PRRC2B: variants seen among roughly 807,000 people sequenced by gnomAD.
PRRC2B encodes protein PRRC2B.
Under a neutral mutation model 242.3 loss-of-function variants are expected in PRRC2B, and 68 were observed. The ratio of observed to expected loss-of-function variants is 0.28; its 90% CI spans 0.23 to 0.34. PRRC2B has a LOEUF of 0.34. PRRC2B is among the 10% of genes least tolerant of loss of function. PRRC2B has a pLI of 1.00. For synonymous variants in PRRC2B, 1,228 were observed against 1,173.6 expected, an observed-to-expected ratio of 1.05 and a Z score of -0.95; for missense variants, 2,835 against 2,954.8, an observed-to-expected ratio of 0.96 and a Z score of 0.94.
chr9:131,419,942 C>T (rs892070437), intron 1 of PRRC2B, among the ~76,000 whole-genome samples: 6 of 151,924 alleles, frequency 3.9e-5, no homozygotes, highest in South Asian at 2.1e-4. Flanking sequence ...CTGTGTGAGC[C>T]GTGGCTCTGG....
At chr9:131,425,937 A>AG (rs1332475675) in intron 1 of PRRC2B, among the ~76,000 whole-genome samples, 2 of 151,824 alleles carry the variant, frequency 1.3e-5, no homozygotes, top group Non-Finnish European at 2.9e-5. Context: ...TGAACCTAGG[A>AG]GGCAGAGGTT....
chr9:131,490,960 G>A (rs926653453), intron 28 of PRRC2B: 5 of 268,484 alleles, frequency 1.9e-5, no homozygotes, highest in South Asian at 4.3e-5. Flanking sequence ...TCTGCATCCC[G>A]AGTGTCCTGC....
At chr9:131,420,058 C>T (rs980143652) in intron 1 of PRRC2B, among the ~76,000 whole-genome samples, 1 of 152,120 alleles carries the variant, frequency 6.6e-6, no homozygotes, top group African/African-American at 2.4e-5. Context: ...CTTGTGTCCT[C>T]ACCATACGCC....
chr9:131,432,511 C>G, intron 2 of PRRC2B, 106 bp from the exon 3 acceptor site: 2 of 1,131,364 alleles, frequency 1.8e-6, no homozygotes, highest in South Asian at 1.6e-5. Context: ...GTTGGGTTAG[C>G]TTTGTTATGA....
At chr9:131,429,578 T>G (rs1490144140) in intron 1 of PRRC2B, among the ~76,000 whole-genome samples, 3 of 152,206 alleles carry the variant, frequency 2.0e-5, no homozygotes, top group Non-Finnish European at 4.4e-5. Context: ...CTTGATTATT[T>G]CTGAAGGATA....
intron 2 of PRRC2B, 41 bp downstream of exon 2, chr9:131,430,300 CG>C: frequency 8.0e-7 from 1 of 1,256,740 alleles, no homozygotes; most frequent in South Asian, 1.3e-5. Flanking sequence ...AAACTTTCTC[CG>C]AGTGACATAT....
intron 25 of PRRC2B, among the ~76,000 whole-genome samples, chr9:131,485,366 C>T (rs979527437): frequency 6.6e-6 from 1 of 152,226 alleles, no homozygotes; most frequent in Non-Finnish European, 1.5e-5. Flanking sequence ...CGAGGCACTC[C>T]TGCCTACTGG....
chr9:131,489,819 G>C (rs968117337), intron 28 of PRRC2B, among the ~76,000 whole-genome samples: 1 of 152,040 alleles, frequency 6.6e-6, no homozygotes, highest in Admixed American at 6.5e-5. Context: ...GTACACAGAC[G>C]AGCTGCAGTG....
At chr9:131,442,389 G>A (rs1038910232) in intron 5 of PRRC2B, among the ~76,000 whole-genome samples, 1 of 152,048 alleles carries the variant, frequency 6.6e-6, no homozygotes, top group Non-Finnish European at 1.5e-5. Context: ...TTTGATTCTT[G>A]CCAGTGACCT....
chr9:131,485,211 C>A, intron 25 of PRRC2B, 71 bp downstream of exon 25: 1 of 1,244,490 alleles, frequency 8.0e-7, no homozygotes, highest in Admixed American at 2.5e-5. Flanking sequence ...ATTAACAGCC[C>A]CGAATGTCAC....
At chr9:131,449,198 A>G (rs554943063) in intron 9 of PRRC2B, among the ~76,000 whole-genome samples, 56 of 152,194 alleles carry the variant, frequency 3.7e-4, no homozygotes, top group Middle Eastern at 3.4e-3. Flanking sequence ...TCATACTTCT[A>G]TTTCTCTTGG....
intron 9 of PRRC2B, among the ~76,000 whole-genome samples, chr9:131,452,349 T>G (rs2966370): frequency 0.98 from 148,825 of 152,124 alleles, 72,891 homozygotes; most frequent in East Asian, 1. Flanking sequence ...TTTTGCCCCT[T>G]CAGTTTTCAT....
At chr9:131,453,463 C>T (rs117486896) in intron 9 of PRRC2B, among the ~76,000 whole-genome samples, 1,597 of 152,068 alleles carry the variant, frequency 0.011, 18 homozygotes, top group Middle Eastern at 0.027. Context: ...GTCTTAAACT[C>T]CTGGGCTCAA....
chr9:131,409,447 GTGCTGGGATTATAGGTGTGAGCCAC>G (rs2131294610), intron 1 of PRRC2B, among the ~76,000 whole-genome samples: 1 of 152,342 alleles, frequency 6.6e-6, no homozygotes, highest in East Asian at 1.9e-4. Context: ...GCCTCCCAAA[GTGCTGGGATTATAGGTGTGAGCCAC>G]TGCTCCCTGG....
In PRRC2B at chr9:131,470,891, C is replaced by G; in HGVS notation, c.2015C>G (p.Pro672Arg). 1.9e-6 allele frequency: 3 copies of G among 1,611,168 alleles called. No homozygotes were observed. Among genetic ancestry groups the G allele is most frequent in the Non-Finnish European group, 2.5e-6 (3 of 1,178,268 alleles). The part of the protein sequence containing the change: ...PHHPQMLGFD[P>R]RWMMMPSYMD... ...CACCCCCAGATGTTGGGCTTCGATC[C>G]CAGGTGGATGATGATGCCTTCCTAC... The change falls in exon 14 of 32, where the codon CCC becomes CGC. Residue 672 changes from proline (P) to arginine (R), a missense_variant. Around this residue, in one of 7 missense-constraint regions of PRRC2B, gnomAD observed 1,536 missense variants for 1,483.1 expected, o/e 1.04. Transcript: ENST00000683519.
intron 5 of PRRC2B, among the ~76,000 whole-genome samples, chr9:131,443,020 G>T (rs1219791186): frequency 2.0e-5 from 3 of 150,952 alleles, no homozygotes; most frequent in African/African-American, 7.3e-5. Context: ...GGAAGGACAG[G>T]TGAATGAGGA....
upstream of PRRC2B, among the ~76,000 whole-genome samples, chr9:131,392,264 A>G (rs550388158): frequency 5.9e-4 from 90 of 151,272 alleles, no homozygotes; most frequent in Middle Eastern, 6.8e-3. Context: ...ATGCCTGGCT[A>G]ATTTTTGTAT....
Position 131,474,757 on chromosome 9 carries a change from G to T in PRRC2B, c.2628G>T (p.Gln876His), listed in dbSNP as rs766520902. The change falls in exon 16 of 32, where the codon CAG becomes CAT. Residue 876 changes from glutamine to histidine, a missense_variant. Gln to His is a conservative substitution (Grantham distance 24). This residue lies in a region of PRRC2B where 1,536 missense variants were observed against 1,483.1 expected (regional missense o/e 1.04). Transcript: ENST00000683519. ...PECGSWDVSH[Q>H]PETADTAHGV... The stretch of plus-strand genomic sequence containing the variant: ...GTGGCAGTTGGGATGTTAGCCACCA[G>T]CCAGAGACCGCTGACACAGCCCATG... The T allele has an allele frequency of 6.2e-6, 10 of 1,612,596 alleles. No homozygotes were observed. The highest frequency in any genetic ancestry group is 4.5e-5 in the East Asian group (2 of 44,852).
intron 1 of PRRC2B, among the ~76,000 whole-genome samples, chr9:131,385,497 A>G (rs1023671180): frequency 6.6e-6 from 1 of 150,390 alleles, no homozygotes. Flanking sequence ...TAAACTTCCC[A>G]GACTGGCACT....
Sources: gnomAD v4.1 joint callset for allele counts (sites outside exome capture counted in the v4.1 genomes callset) on GRCh38, gnomAD v4.1.1 for gene constraint, gnomAD v4.1.1 regional missense constraint, MANE v1.5 for transcripts, NCBI Gene and HGNC (gene_info 2026-07-23, HGNC 2026-07-21) for gene names.